CTNNA2: variants seen among roughly 807,000 people sequenced by gnomAD.
The protein encoded by CTNNA2 is catenin alpha-2.
Under a neutral mutation model 101.0 loss-of-function variants are expected in CTNNA2, and 42 were observed. That is an observed-to-expected ratio of 0.42 (90% CI 0.32 to 0.54). The LOEUF is 0.54. CTNNA2 is among the 20% of genes least tolerant of loss of function. The probability of loss-of-function intolerance (pLI) is 0.14; values close to 1 mark genes in which losing one functional copy is unlikely to be tolerated. For synonymous variants in CTNNA2, 450 were observed against 456.4 expected (o/e 0.99, Z 0.18); for missense variants, 871 against 1,223.1 (o/e 0.71, Z 4.29).
chr2:79,797,107 C>T (rs1675773967), intron 3 of CTNNA2, among the ~76,000 whole-genome samples: 1 of 152,114 alleles, frequency 6.6e-6, no homozygotes, highest in Admixed American at 6.5e-5. Flanking sequence ...AAAACATTGT[C>T]AACATAAGCT....
At chr2:79,406,519 A>G (rs944802259) in intron 4 of CTNNA2, among the ~76,000 whole-genome samples, 1 of 151,912 alleles carries the variant, frequency 6.6e-6, no homozygotes, top group Non-Finnish European at 1.5e-5. Context: ...CTTACTAGTC[A>G]TGTATCTCCT....
At chr2:80,477,937 A>G (rs773906681) in intron 9 of CTNNA2, among the ~76,000 whole-genome samples, 7 of 152,138 alleles carry the variant, frequency 4.6e-5, no homozygotes, top group African/African-American at 9.7e-5. Flanking sequence ...ATTGAATAGT[A>G]GATCTACTTT....
chr2:79,957,953 T>C (rs1689359774), intron 7 of CTNNA2, among the ~76,000 whole-genome samples: 1 of 152,232 alleles, frequency 6.6e-6, no homozygotes, highest in African/African-American at 2.4e-5. Context: ...TTCAGATTCT[T>C]AAAGACAGTG....
intron 7 of CTNNA2, among the ~76,000 whole-genome samples, chr2:79,932,879 C>T (rs1687540733): frequency 1.3e-5 from 2 of 152,194 alleles, no homozygotes; most frequent in South Asian, 4.1e-4. Context: ...TGTTGATACC[C>T]AGAAAAAGAA....
At chr2:79,709,466 G>A (rs1002828504) in intron 2 of CTNNA2, among the ~76,000 whole-genome samples, 10 of 152,134 alleles carry the variant, frequency 6.6e-5, no homozygotes, top group Admixed American at 2.0e-4. Context: ...GTAATATGGG[G>A]ATGAGAGGCA....
chr2:80,309,159 C>T (rs1287531730), intron 7 of CTNNA2, among the ~76,000 whole-genome samples: 1 of 152,046 alleles, frequency 6.6e-6, no homozygotes, highest in Non-Finnish European at 1.5e-5. Context: ...GTTCATGAGG[C>T]CTGTCCTCCC....
At chr2:79,922,539 C>T (rs1419245585) in intron 7 of CTNNA2, among the ~76,000 whole-genome samples, 1 of 152,006 alleles carries the variant, frequency 6.6e-6, no homozygotes, top group African/African-American at 2.4e-5. Context: ...TTTTTTTCCA[C>T]CGCTGCCCTA....
chr2:79,453,442 T>G (rs1461912853), intron 4 of CTNNA2, among the ~76,000 whole-genome samples: 1 of 152,148 alleles, frequency 6.6e-6, no homozygotes, highest in East Asian at 1.9e-4. Flanking sequence ...ACAGGAGCCA[T>G]GAAAATTTAC....
chr2:79,667,506 G>A (rs1366000408), intron 2 of CTNNA2, among the ~76,000 whole-genome samples: 1 of 152,102 alleles, frequency 6.6e-6, no homozygotes, highest in Non-Finnish European at 1.5e-5. Context: ...TAAACTCATT[G>A]GGAGTTTATT....
Position 79,220,184 on chromosome 2 carries a change from A to G in CTNNA2, c.-406+22108A>G, listed in dbSNP as rs138020279. ...TATGTATGTGTGTGTGTGTATATATATATGTGTGTGTGTGTGTATATATAT... is the reference window on the plus strand; with the variant it reads ...TATGTATGTGTGTGTGTGTATATATGTATGTGTGTGTGTGTGTATATATAT... On this transcript the variant is annotated intron_variant, in intron 2 of 21. Transcript: ENST00000466387. 5.5e-3 allele frequency among the ~76,000 whole-genome samples: 829 copies of G among 151,474 alleles called. 6 individuals are homozygous for G. The highest frequency in any genetic ancestry group is 0.018 in the South Asian group (88 of 4,776).
intron 7 of CTNNA2, among the ~76,000 whole-genome samples, chr2:80,039,243 A>C (rs1184327075): frequency 6.6e-6 from 1 of 152,070 alleles, no homozygotes; most frequent in Non-Finnish European, 1.5e-5. Flanking sequence ...CCCTGCCCCC[A>C]CCACCACTGT....
intron 7 of CTNNA2, among the ~76,000 whole-genome samples, chr2:80,059,144 C>T (rs1418114724): frequency 6.6e-6 from 1 of 152,160 alleles, no homozygotes; most frequent in Non-Finnish European, 1.5e-5. Flanking sequence ...GGATACATTC[C>T]TGTTAGCCCA....
rs538278682 is a variant in CTNNA2, at chr2:80,274,328, C to T, written c.1057-118883C>T. ...CTCTAGAAGTATTTGTTTATCATCT[C>T]GCTATGAAAGTAATACTCCGTATAG... On this transcript the variant is annotated intron_variant, in intron 7 of 18. Coordinates refer to ENST00000402739, the MANE Select transcript of CTNNA2 (RefSeq NM_001282597.3). Among the ~76,000 whole-genome samples the T allele has an allele frequency of 8.5e-5, 13 of 152,248 alleles. No homozygotes were observed. The South Asian group carries it at 2.5e-3, about 29-fold the overall frequency.
intron 4 of CTNNA2, among the ~76,000 whole-genome samples, chr2:79,416,555 C>T (rs1017994067): frequency 2.0e-5 from 3 of 151,802 alleles, no homozygotes; most frequent in Non-Finnish European, 2.9e-5. Context: ...AATGTCAGTC[C>T]CACCCCATGT....
chr2:80,285,149 C>A (rs535285479), intron 7 of CTNNA2, among the ~76,000 whole-genome samples: 1 of 152,226 alleles, frequency 6.6e-6, no homozygotes, highest in East Asian at 1.9e-4. Context: ...ACTGGCAAAA[C>A]CAGACCATGA....
At chr2:79,764,425 T>G (rs1385103157) in intron 3 of CTNNA2, among the ~76,000 whole-genome samples, 2 of 152,208 alleles carry the variant, frequency 1.3e-5, no homozygotes, top group Non-Finnish European at 2.9e-5. Flanking sequence ...AATAAGTATG[T>G]GGAAAGAATT....
At chr2:79,679,317 A>G (rs1573654253) in intron 2 of CTNNA2, among the ~76,000 whole-genome samples, 1 of 152,158 alleles carries the variant, frequency 6.6e-6, no homozygotes, top group Admixed American at 6.5e-5. Flanking sequence ...ACCAACTGGG[A>G]GATATAACTA....
At chr2:79,552,448 A>G (rs6710198) in intron 1 of CTNNA2, among the ~76,000 whole-genome samples, 84,259 of 151,836 alleles carry the variant, frequency 0.55, 23,582 homozygotes, top group South Asian at 0.59. Flanking sequence ...ACAATTCTGG[A>G]GTCTGGAGCA....
intron 3 of CTNNA2, among the ~76,000 whole-genome samples, chr2:79,315,310 A>G (rs1174652908): frequency 2.0e-5 from 3 of 152,214 alleles, no homozygotes; most frequent in South Asian, 4.1e-4. Context: ...GTTTCCATAT[A>G]GTTACAGAGC....
Sources: gnomAD v4.1 joint callset for allele counts (sites outside exome capture counted in the v4.1 genomes callset) on GRCh38, gnomAD v4.1.1 for gene constraint, MANE v1.5 for transcripts, NCBI Gene and HGNC (gene_info 2026-07-23, HGNC 2026-07-21) for gene names.